Variants in NRAP observed in about 807,000 individuals in gnomAD.
NRAP encodes the protein nebulin related anchoring protein.
In NRAP, 189 loss-of-function variants were observed where a neutral mutation model predicts 225.9. The observed-to-expected ratio is 0.84, with a 90% CI of 0.74 to 0.94. NRAP has a LOEUF of 0.94. NRAP is among the 40% of genes least tolerant of loss of function. The pLI is 0.00. For synonymous variants in NRAP, 769 were observed against 790.7 expected (o/e 0.97, Z 0.46); for missense variants, 2,176 against 2,168.7 (o/e 1.00, Z -0.07).
In NRAP at chr10:113,604,793, C is replaced by G. The variant is rs184690165; in HGVS notation, c.4043G>C (p.Arg1348Thr). ...CTGGGCTTGGCTGCTGGTCGCCCCC[C>G]TCCTGTACTGAAGCTCGCTCTGCAG... ...GQLQSELQYRRGATSSQAQFH... is the reference protein window; with the variant it reads ...GQLQSELQYRTGATSSQAQFH... The change falls in exon 35 of 42, where the codon AGG becomes ACG. Residue 1348 changes from arginine to threonine, a missense_variant. This residue lies in a region of NRAP where 1,708 missense variants were observed against 1,695.5 expected (regional missense o/e 1.01). Transcript: ENST00000359988. 5.2e-4 allele frequency: 834 copies of G among 1,614,062 alleles called. 5 individuals are homozygous for G. The highest frequency in any genetic ancestry group is 6.5e-4 in the Non-Finnish European group (766 of 1,180,032).
intron 11 of NRAP, 111 bp downstream of exon 11, chr10:113,645,714 G>A (rs1181612501): frequency 8.3e-6 from 5 of 605,580 alleles, no homozygotes; most frequent in Non-Finnish European, 1.4e-5. Context: ...ACCGCACCTG[G>A]CCGGTGTCAC....
At chr10:113,646,830 T>C (rs1849540665) in intron 10 of NRAP, 93 bp downstream of exon 10, 4 of 868,138 alleles carry the variant, frequency 4.6e-6, no homozygotes, top group Admixed American at 3.5e-5. Context: ...TCAGCTATAA[T>C]AAATGTATCT....
rs78073539 is a variant in NRAP at position 113,618,321 on chromosome 10, A to G, written c.2875-768T>C. On this transcript the variant is annotated intron_variant, in intron 25 of 41. Coordinates refer to ENST00000359988, the MANE Select transcript of NRAP (RefSeq NM_198060.4). ...TAGAGTTTATGCTTTCCAAAGCAGA[A>G]TAATTGTCTTAAACACACTCTTCTT... 5.5e-3 allele frequency among the ~76,000 whole-genome samples: 834 copies of G among 152,358 alleles called. 9 individuals are homozygous for G. Among genetic ancestry groups the G allele is most frequent in the Non-Finnish European group, 9.1e-3 (619 of 68,040 alleles).
chr10:113,615,108 A>T (rs1475685299), intron 27 of NRAP, among the ~76,000 whole-genome samples, 162 bp from the exon 28 acceptor site: 5 of 151,464 alleles, frequency 3.3e-5, no homozygotes, highest in Admixed American at 2.6e-4. Context: ...CGTGAGTTGG[A>T]TCCTGCCTCG....
intron 14 of NRAP, among the ~76,000 whole-genome samples, chr10:113,637,440 A>G (rs1397536234): frequency 1.3e-5 from 2 of 152,244 alleles, no homozygotes; most frequent in Non-Finnish European, 2.9e-5. Context: ...TAGTGTGCTT[A>G]GAGCGATTAT....
chr10:113,631,583 T>C lies in NRAP; in HGVS notation c.1768A>G (p.Thr590Ala). Reference sequence around the variant, plus strand: ...GCTGTTCCCATGGCTTTGCCTTTTGTCTTTTCATATTCTTCTTTATATTTA... The same window carrying C: ...GCTGTTCCCATGGCTTTGCCTTTTGCCTTTTCATATTCTTCTTTATATTTA... ...NIKYKEEYEKTKGKAMGTADS... is the reference protein window; with the variant it reads ...NIKYKEEYEKAKGKAMGTADS... The change falls in exon 18 of 42, where the codon ACA becomes GCA. Residue 590 changes from threonine (T) to alanine (A), a missense_variant. Physicochemically the swap from Thr to Ala is moderately conservative, Grantham distance 58 (BLOSUM62 0). Around this residue, in one of 3 missense-constraint regions of NRAP, gnomAD observed 1,708 missense variants for 1,695.5 expected, o/e 1.01. Transcript: ENST00000359988. 6.2e-7 allele frequency: 1 copy of C among 1,611,084 alleles called. No individual in the cohort carries two copies. Among genetic ancestry groups the C allele is most frequent in the Non-Finnish European group, 8.5e-7 (1 of 1,177,516 alleles).
chr10:113,635,879 G>C (rs1039822897), intron 14 of NRAP, among the ~76,000 whole-genome samples: 1 of 152,098 alleles, frequency 6.6e-6, no homozygotes, highest in Non-Finnish European at 1.5e-5. Context: ...AAACTGTCGT[G>C]GGGTTCCTAC....
At chr10:113,630,102 G>T (rs1268575084) in intron 18 of NRAP, among the ~76,000 whole-genome samples, 1 of 152,172 alleles carries the variant, frequency 6.6e-6, no homozygotes, top group Non-Finnish European at 1.5e-5. Context: ...AGAAGCTTGG[G>T]CTGCAGAGCC....
intron 13 of NRAP, 81 bp downstream of exon 13, chr10:113,641,284 G>T (rs552331353): frequency 2.4e-6 from 2 of 824,794 alleles, no homozygotes; most frequent in Non-Finnish European, 4.0e-6. Flanking sequence ...TTTTTTTTAA[G>T]GGGAATTTAA....
intron 4 of NRAP, among the ~76,000 whole-genome samples, chr10:113,655,542 G>A (rs1183060694): frequency 2.7e-5 from 4 of 149,670 alleles, no homozygotes; most frequent in Non-Finnish European, 3.0e-5. Context: ...TGCAACCTCC[G>A]CCTCCTGGGT....
chr10:113,652,258 G>A (rs1850023201), intron 6 of NRAP, among the ~76,000 whole-genome samples: 1 of 152,192 alleles, frequency 6.6e-6, no homozygotes, highest in African/African-American at 2.4e-5. Context: ...ATAGAGTCAG[G>A]ATTCAAATTT....
intron 3 of NRAP, among the ~76,000 whole-genome samples, chr10:113,660,583 T>C (rs1190508288): frequency 6.6e-6 from 1 of 152,174 alleles, no homozygotes; most frequent in Non-Finnish European, 1.5e-5. Flanking sequence ...AAATAGTGTG[T>C]GACCTGTTGT....
At chr10:113,628,227 G>A (rs1045756016) in intron 20 of NRAP, among the ~76,000 whole-genome samples, 4 of 151,922 alleles carry the variant, frequency 2.6e-5, no homozygotes, top group South Asian at 2.1e-4. Context: ...TCGATCTGTC[G>A]CCCAGGCTGG....
Position 113,590,613 on chromosome 10 carries a change from TG to T in NRAP, c.4920del (p.Arg1641GlyfsTer19). 1.2e-6 allele frequency: 2 copies of T among 1,613,396 alleles called. No homozygotes were observed. The highest frequency in any genetic ancestry group is 1.7e-6 in the Non-Finnish European group (2 of 1,179,988). On this transcript the variant is annotated frameshift_variant, in exon 40 of 42. Transcript: ENST00000359988. LOFTEE classifies it high-confidence loss of function. The stretch of plus-strand genomic sequence containing the variant: ...AGCTGGTGGGCCTTCTGAGCATGCC[TG>T]AGGCCCAGCTGCTCCGGGTCGCAGG... ...QPTCDPEQLG[L>X]RHAQKAHQLQ...
intron 35 of NRAP, among the ~76,000 whole-genome samples, chr10:113,603,702 C>T (rs1846747172): frequency 6.6e-6 from 1 of 152,180 alleles, no homozygotes; most frequent in Non-Finnish European, 1.5e-5. Context: ...GCCAAGGCTG[C>T]TCCTTCACTT....
At chr10:113,654,967 C>T (rs1341088763) in intron 4 of NRAP, among the ~76,000 whole-genome samples, 3 of 152,264 alleles carry the variant, frequency 2.0e-5, no homozygotes, top group South Asian at 2.1e-4. Flanking sequence ...CCATGAGGAG[C>T]TGGGTTTGAT....
At chr10:113,635,168 A>C (rs556891507) in intron 14 of NRAP, among the ~76,000 whole-genome samples, 2 of 152,332 alleles carry the variant, frequency 1.3e-5, no homozygotes, top group Admixed American at 6.5e-5. Context: ...CCATTTGCAC[A>C]CAAGAATATA....
rs545518708 is a variant in NRAP at position 113,595,703 on chromosome 10, C to T, written c.4456G>A (p.Glu1486Lys). The change falls in exon 38 of 42, where the codon GAA (glutamate) becomes AAA (lysine). Residue 1486 changes from glutamate to lysine, a missense_variant. This residue lies in a region of NRAP where 445 missense variants were observed against 426.1 expected (regional missense o/e 1.04). Transcript: ENST00000359988. The part of the protein sequence containing the change: ...NERMYRSGDA[E>K]SLHRYTLIPD... ...ATCAGGGTGTATCTGTGCAGGGATT[C>T]TGCATCTCCAGATCTATACATGCGC... The T allele has an allele frequency of 1.8e-5, 29 of 1,613,422 alleles. 1 individual carries two copies. The South Asian group carries it at 3.0e-4, about 16-fold the overall frequency.
At position 113,614,312 on chromosome 10, in the gene NRAP, G is replaced by A. The variant is rs1222394717; in HGVS notation, c.3187-16C>T. 4 of 1,529,608 alleles carry A rather than the reference G, an allele frequency of 2.6e-6. No homozygotes were observed. Among genetic ancestry groups the A allele is most frequent in the East Asian group, 2.2e-5 (1 of 44,500 alleles). The allele number at this position is 1,529,608 out of a possible 1,614,324, so 94.8% of individuals were successfully genotyped here. A position where few individuals can be genotyped will look rare whatever the true frequency, so the allele number is the denominator to read the frequency against. On this transcript the variant is annotated splice_polypyrimidine_tract_variant and intron_variant, in intron 28 of 41. Transcript: ENST00000359988. ...TGTATTTGTACTAAAGGGAAAGAGA[G>A]CGGGAGAGAGGAACAGCTCAGGGAT...
Sources: allele counts gnomAD v4.1 joint callset (sites outside exome capture counted in the v4.1 genomes callset), GRCh38; gene constraint gnomAD v4.1.1; regional missense constraint gnomAD v4.1.1; transcripts MANE v1.5; gene names NCBI Gene and HGNC (gene_info 2026-07-23, HGNC 2026-07-21).